The following GSE1 variants were observed in gnomAD, a reference collection of about 807,000 sequenced individuals.
GSE1 encodes genetic suppressor element 1.
A neutral mutation model predicts 112.6 loss-of-function variants in GSE1; 32 were observed. The ratio of observed to expected loss-of-function variants is 0.28; its 90% CI spans 0.21 to 0.38. The LOEUF (loss-of-function observed/expected upper bound fraction) is 0.38. Ranked by LOEUF, GSE1 falls within the 10% of genes least tolerant of loss-of-function variation. The probability of loss-of-function intolerance (pLI) is 1.00; values close to 1 mark genes in which losing one functional copy is unlikely to be tolerated. For missense variants in GSE1, 2,348 were observed against 1,699.2 expected, an observed-to-expected ratio of 1.38 and a Z score of -6.71; for synonymous variants, 1,115 against 735.6, an observed-to-expected ratio of 1.52 and a Z score of -8.35.
intron 14 of GSE1, among the ~76,000 whole-genome samples, chr16:85,668,924 C>T (rs1416091892): frequency 2.6e-5 from 4 of 152,246 alleles, no homozygotes. Context: ...AAGACAGGCT[C>T]CTGGTAAAGG....
chr16:85,378,816 C>A (rs56869874), intron 2 of GSE1, among the ~76,000 whole-genome samples: 2 of 152,276 alleles, frequency 1.3e-5, no homozygotes, highest in South Asian at 2.1e-4. Flanking sequence ...TGGCTACCCC[C>A]GTGCTGCTCT....
At chr16:85,182,314 C>G (rs1388460375) in intron 1 of GSE1, among the ~76,000 whole-genome samples, 1 of 152,188 alleles carries the variant, frequency 6.6e-6, no homozygotes, top group Non-Finnish European at 1.5e-5. Flanking sequence ...TGGGTTCAGC[C>G]CTGTTGTCCA....
chr16:85,456,596 G>C (rs1423314731), intron 2 of GSE1, among the ~76,000 whole-genome samples: 5 of 143,302 alleles, frequency 3.5e-5, no homozygotes, highest in Non-Finnish European at 6.1e-5. Context: ...GTGTGTGTGT[G>C]TGTGTGTGTG....
intron 1 of GSE1, among the ~76,000 whole-genome samples, chr16:85,623,713 G>A (rs571776507): frequency 1.3e-5 from 2 of 152,330 alleles, no homozygotes; most frequent in Admixed American, 1.3e-4. Flanking sequence ...CTGTTGGAGG[G>A]AAGGGACGTT....
At chr16:85,289,260 G>T (rs901648815) in intron 1 of GSE1, among the ~76,000 whole-genome samples, 2 of 152,068 alleles carry the variant, frequency 1.3e-5, no homozygotes, top group African/African-American at 2.4e-5. Flanking sequence ...TCATCCTCCC[G>T]CCATTGGCCT....
At chr16:85,444,507 G>A (rs574635328) in intron 2 of GSE1, among the ~76,000 whole-genome samples, 2 of 152,320 alleles carry the variant, frequency 1.3e-5, no homozygotes, top group East Asian at 3.9e-4. Context: ...CGGACAGCCT[G>A]AGGAACCCTG....
chr16:85,309,147 A>G (rs1434123609), intron 1 of GSE1, among the ~76,000 whole-genome samples: 1 of 151,840 alleles, frequency 6.6e-6, no homozygotes, highest in South Asian at 2.1e-4. Flanking sequence ...CAGGCCGCCC[A>G]CAGGAAACAG....
intron 3 of GSE1, among the ~76,000 whole-genome samples, chr16:85,652,795 G>T (rs990253741): frequency 3.9e-5 from 6 of 152,176 alleles, no homozygotes; most frequent in African/African-American, 1.2e-4. Context: ...CAGAGCCCCT[G>T]GGCCATCATT....
intron 2 of GSE1, among the ~76,000 whole-genome samples, chr16:85,441,619 C>T (rs1217645953): frequency 2.0e-5 from 3 of 152,206 alleles, no homozygotes; most frequent in African/African-American, 7.2e-5. Flanking sequence ...TGCACTCCAG[C>T]CTGGGTGTCA....
intron 2 of GSE1, among the ~76,000 whole-genome samples, chr16:85,467,117 C>G (rs1174599271): frequency 6.6e-6 from 1 of 152,208 alleles, no homozygotes; most frequent in African/African-American, 2.4e-5. Flanking sequence ...GGCCTGGGCC[C>G]TGGCCTCCAG....
intron 1 of GSE1, among the ~76,000 whole-genome samples, chr16:85,606,267 C>G (rs1297074345): frequency 6.6e-6 from 1 of 152,220 alleles, no homozygotes; most frequent in African/African-American, 2.4e-5. Context: ...AGGTTTCTCT[C>G]AAATATGAAA....
intron 3 of GSE1, among the ~76,000 whole-genome samples, chr16:85,653,213 CTCCCCCTCCTCCT>C (rs2051543580): frequency 0.02 from 2 of 100 alleles, no homozygotes; most frequent in African/African-American, 0.023. Flanking sequence ...CTCCTCCCCC[CTCCCCCTCCTCCT>C]CCTCCTCCCC....
At chr16:85,254,332 G>C (rs987125849) in intron 1 of GSE1, among the ~76,000 whole-genome samples, 1 of 152,182 alleles carries the variant, frequency 6.6e-6, no homozygotes, top group Non-Finnish European at 1.5e-5. Flanking sequence ...CTCAGCCCAG[G>C]TGCCTGCAGA....
chr16:85,650,304 A>T (rs990593869), intron 3 of GSE1, among the ~76,000 whole-genome samples: 4 of 152,080 alleles, frequency 2.6e-5, no homozygotes, highest in Non-Finnish European at 5.9e-5. Context: ...CCTTGACCCC[A>T]TGGGCCCTGA....
intron 1 of GSE1, among the ~76,000 whole-genome samples, chr16:85,573,776 G>A (rs987709479): frequency 1.6e-4 from 24 of 152,198 alleles, no homozygotes; most frequent in African/African-American, 2.7e-4. Context: ...CTCCTCCTCC[G>A]GCCACCAGTT....
intron 1 of GSE1, among the ~76,000 whole-genome samples, chr16:85,261,013 C>G (rs746346430): frequency 5.3e-5 from 8 of 152,204 alleles, no homozygotes; most frequent in Non-Finnish European, 1.2e-4. Context: ...TGGGGGTGCT[C>G]AGTTCCACCA....
At chr16:85,326,183 G>C (rs2046224886) in intron 1 of GSE1, among the ~76,000 whole-genome samples, 1 of 152,202 alleles carries the variant, frequency 6.6e-6, no homozygotes, top group Admixed American at 6.5e-5. Flanking sequence ...GCTCGTTCAG[G>C]ATATGGGCTC....
At chr16:85,378,507 A>T (rs2047473059) in intron 2 of GSE1, among the ~76,000 whole-genome samples, 2 of 152,186 alleles carry the variant, frequency 1.3e-5, no homozygotes, top group African/African-American at 4.8e-5. Flanking sequence ...AGGGCCAGAG[A>T]GACCCCAGGC....
chr16:85,596,288 G>A (rs551430291), intron 1 of GSE1, among the ~76,000 whole-genome samples: 2 of 152,282 alleles, frequency 1.3e-5, no homozygotes, highest in East Asian at 1.9e-4. Flanking sequence ...ACGCATCACT[G>A]ACTTGGGAAA....
Sources: gnomAD v4.1 joint callset for allele counts (sites outside exome capture counted in the v4.1 genomes callset) on GRCh38, gnomAD v4.1.1 for gene constraint, MANE v1.5 for transcripts, NCBI Gene and HGNC (gene_info 2026-07-23, HGNC 2026-07-21) for gene names.